PSME4: variants seen among roughly 807,000 people sequenced by gnomAD.
PSME4 encodes the protein proteasome activator complex subunit 4.
Under a neutral mutation model 253.9 loss-of-function variants are expected in PSME4, and 89 were observed. The ratio of observed to expected loss-of-function variants is 0.35; its 90% CI spans 0.30 to 0.42. The LOEUF (loss-of-function observed/expected upper bound fraction) is 0.42. Ranked by LOEUF, PSME4 falls within the 10% of genes least tolerant of loss-of-function variation. The probability of loss-of-function intolerance (pLI) is 1.00; values close to 1 mark genes in which losing one functional copy is unlikely to be tolerated. For missense variants in PSME4, 2,014 were observed against 2,195.2 expected, an observed-to-expected ratio of 0.92 and a Z score of 1.65; for synonymous variants, 851 against 759.2, an observed-to-expected ratio of 1.12 and a Z score of -1.99.
Position 53,908,868 on chromosome 2 carries a change from T to G in PSME4, c.2573-28A>C, listed in dbSNP as rs750617715. On this transcript the variant is annotated intron_variant, in intron 21 of 46. Coordinates refer to ENST00000404125, the MANE Select transcript of PSME4 (RefSeq NM_014614.3). ...ATTTTGAAAAAATAAAAGAAGGTAT[T>G]TTAGACACTGAATGCTCCTCAGACT... is the stretch of plus-strand genomic sequence containing the variant. The G allele has an allele frequency of 2.0e-6, 3 of 1,525,214 alleles. No homozygotes were observed. In the Admixed American group the frequency reaches 5.3e-5, roughly 27 times the overall value. The allele number at this position is 1,525,214 out of a possible 1,614,324, so 94.5% of individuals were successfully genotyped here. A position where few individuals can be genotyped will look rare whatever the true frequency, so the allele number is the denominator to read the frequency against.
chr2:53,963,245 G>A (rs889766919), intron 1 of PSME4, among the ~76,000 whole-genome samples: 2 of 151,928 alleles, frequency 1.3e-5, no homozygotes, highest in African/African-American at 2.4e-5. Flanking sequence ...AGGATCGCTC[G>A]AGGCCAGGAG....
chr2:53,907,025 A>G (rs576795874), intron 24 of PSME4, among the ~76,000 whole-genome samples, 157 bp from the exon 25 acceptor site: 58 of 137,096 alleles, frequency 4.2e-4, no homozygotes, highest in African/African-American at 1.4e-3. Flanking sequence ...AGGCTTATAT[A>G]AAAATGTTGT....
rs150614309 is a variant in PSME4 at position 53,910,054 on chromosome 2, C to T, written c.2572+21G>A. 447 of 1,568,754 alleles carry T rather than the reference C, an allele frequency of 2.8e-4. No homozygotes were observed. The African/African-American group carries it at 5.4e-3, about 19-fold the overall frequency. On this transcript the variant is annotated intron_variant, in intron 21 of 46. Coordinates refer to ENST00000404125, the MANE Select transcript of PSME4 (RefSeq NM_014614.3). ...GACAAAAATAATCCACACAGATTTA[C>T]TCAGATTAGGATTCACATACCATAT...
At chr2:53,932,994 C>A in intron 8 of PSME4, 1 of 453,610 alleles carries the variant, frequency 2.2e-6, no homozygotes, top group African/African-American at 1.9e-5. Flanking sequence ...ACATAAAAAA[C>A]TAAAAAAATA....
intron 40 of PSME4, among the ~76,000 whole-genome samples, chr2:53,886,171 G>C (rs1679626555): frequency 2.6e-5 from 4 of 152,164 alleles, no homozygotes; most frequent in Admixed American, 2.6e-4. Flanking sequence ...ACTTTTGGAG[G>C]CCAAGGCGGG....
intron 41 of PSME4, among the ~76,000 whole-genome samples, chr2:53,882,789 T>C (rs1679452716): frequency 6.6e-6 from 1 of 151,816 alleles, no homozygotes; most frequent in East Asian, 1.9e-4. Context: ...CTTACTGACA[T>C]GGAAACGTAC....
chr2:53,890,722 A>G (rs1472454409), intron 36 of PSME4, among the ~76,000 whole-genome samples: 1 of 152,200 alleles, frequency 6.6e-6, no homozygotes, highest in Non-Finnish European at 1.5e-5. Context: ...AATACTTTGC[A>G]TGGCGCTTTA....
chr2:53,866,667 G>C, intron 45 of PSME4, 80 bp downstream of exon 45: 1 of 1,446,978 alleles, frequency 6.9e-7, no homozygotes, highest in African/African-American at 1.4e-5. Context: ...TTAGTTCAGA[G>C]TGTATAGGAA....
Position 53,906,859 on chromosome 2 carries a change from T to C in PSME4, c.2794A>G (p.Lys932Glu). The C allele has an allele frequency of 6.2e-7, 1 of 1,613,464 alleles. No individual in the cohort carries two copies. Among genetic ancestry groups the C allele is most frequent in the South Asian group, 1.1e-5 (1 of 91,004 alleles). The stretch of plus-strand genomic sequence containing the variant: ...AACAGTGCTCTGATATGTTGTTTTT[T>C]CCCATGGAGCTGGAAAACAAAGTAG... ...KKSMENRLHG[K>E]KQHIRALLID... is the part of the protein sequence containing the mutation. The change falls in exon 25 of 47, where the codon AAA (lysine) becomes GAA (glutamate). Residue 932 changes from lysine (K) to glutamate (E), a missense_variant. This residue lies in a region of PSME4 where 989 missense variants were observed against 1,021.1 expected (regional missense o/e 0.97). Transcript: ENST00000404125.
At chr2:53,905,394 T>C (rs1355523674) in intron 26 of PSME4, among the ~76,000 whole-genome samples, 1 of 151,962 alleles carries the variant, frequency 6.6e-6, no homozygotes, top group Non-Finnish European at 1.5e-5. Context: ...ACAGGTTGAG[T>C]ATCCTTTATC....
chr2:53,934,168 T>G (rs972207881), intron 8 of PSME4, among the ~76,000 whole-genome samples: 2 of 152,176 alleles, frequency 1.3e-5, no homozygotes, highest in African/African-American at 2.4e-5. Flanking sequence ...GTCAACAAAG[T>G]AATCCTTCAC....
rs1468236564 is a variant in PSME4 at position 53,896,830 on chromosome 2, T to C, written c.3662A>G (p.Lys1221Arg). The C allele has an allele frequency of 6.2e-7, 1 of 1,611,468 alleles. No individual in the cohort carries two copies. Among genetic ancestry groups the C allele is most frequent in the Non-Finnish European group, 8.5e-7 (1 of 1,177,698 alleles). The change falls in exon 32 of 47, where the codon AAG (lysine) becomes AGG (arginine). Residue 1221 changes from lysine to arginine, a missense_variant. By Grantham distance (26) the Lys-to-Arg change is conservative. Coordinates refer to ENST00000404125, the MANE Select transcript of PSME4 (RefSeq NM_014614.3). ...GATTTCACAGGGGTTAATGGTCAGC[T>C]TTTTGTGGGTTCTTTTTAGCTGTTT... ...ILKQLKRTHK[K>R]LTINPCEISG...
Position 53,923,036 on chromosome 2 carries a change from C to A in PSME4, c.1978+13G>T. 1 of 1,530,510 alleles carries A rather than the reference C, an allele frequency of 6.5e-7. No individual in the cohort carries two copies. Among genetic ancestry groups the A allele is most frequent in the Admixed American group, 2.0e-5 (1 of 49,642 alleles). 94.8% of individuals were successfully genotyped at this position (1,530,510 alleles called of 1,614,324 possible). A position where few individuals can be genotyped will look rare whatever the true frequency, so the allele number is the denominator to read the frequency against. Reference sequence around the variant, plus strand: ...CAAAATTGTAAAGAGAGAATAATGACCTTATGACTTACTCATTGTAAGCTG... The same window carrying A: ...CAAAATTGTAAAGAGAGAATAATGAACTTATGACTTACTCATTGTAAGCTG... On this transcript the variant is annotated intron_variant, in intron 16 of 46. Transcript: ENST00000404125.
chr2:53,900,873 T>C (rs1680366068), intron 28 of PSME4, among the ~76,000 whole-genome samples: 2 of 152,126 alleles, frequency 1.3e-5, no homozygotes, highest in Non-Finnish European at 2.9e-5. Flanking sequence ...TAAATACAGA[T>C]TTGCAAGTTC....
intron 41 of PSME4, among the ~76,000 whole-genome samples, chr2:53,876,586 T>C (rs1679132371): frequency 6.6e-6 from 1 of 150,850 alleles, no homozygotes; most frequent in East Asian, 1.9e-4. Flanking sequence ...AGAATACTTA[T>C]ATATATATAT....
At chr2:53,889,407 T>C (rs992381149) in intron 37 of PSME4, among the ~76,000 whole-genome samples, 2 of 152,114 alleles carry the variant, frequency 1.3e-5, no homozygotes, top group African/African-American at 2.4e-5. Flanking sequence ...TGTTATACTG[T>C]ATTGTTTAGG....
intron 20 of PSME4, among the ~76,000 whole-genome samples, chr2:53,915,101 A>G (rs746517280): frequency 7.9e-5 from 12 of 152,070 alleles, no homozygotes; most frequent in Non-Finnish European, 8.8e-5. Context: ...CACATACCCT[A>G]TTAGGACTAA....
chr2:53,880,247 G>C (rs1204284675), intron 41 of PSME4, among the ~76,000 whole-genome samples: 1 of 152,154 alleles, frequency 6.6e-6, no homozygotes, highest in Non-Finnish European at 1.5e-5. Flanking sequence ...CTTGAAGCCA[G>C]GAGTTTGAGA....
At chr2:53,952,349 T>G (rs1046262841) in intron 1 of PSME4, among the ~76,000 whole-genome samples, 2 of 152,156 alleles carry the variant, frequency 1.3e-5, no homozygotes, top group African/African-American at 4.8e-5. Context: ...GAGACCATCC[T>G]GGCCAACATG....
Sources: allele counts gnomAD v4.1 joint callset (sites outside exome capture counted in the v4.1 genomes callset), GRCh38; gene constraint gnomAD v4.1.1; regional missense constraint gnomAD v4.1.1; transcripts MANE v1.5; gene names NCBI Gene and HGNC (gene_info 2026-07-23, HGNC 2026-07-21).